TMEM87A: variants seen among roughly 807,000 people sequenced by gnomAD.
TMEM87A encodes the protein transmembrane protein 87A.
Under a neutral mutation model 90.0 loss-of-function variants are expected in TMEM87A, and 50 were observed. That is an observed-to-expected ratio of 0.56 (90% CI 0.44 to 0.70). The LOEUF (loss-of-function observed/expected upper bound fraction) is 0.70. TMEM87A is among the 30% of genes least tolerant of loss of function. TMEM87A has a pLI of 0.00. For synonymous variants in TMEM87A, 226 were observed against 226.7 expected, an observed-to-expected ratio of 1.00 and a Z score of 0.03; for missense variants, 577 against 660.5, an observed-to-expected ratio of 0.87 and a Z score of 1.39.
intron 9 of TMEM87A, 30 bp downstream of exon 9, chr15:42,237,402 C>T (rs757064870): frequency 5.6e-6 from 9 of 1,608,372 alleles, no homozygotes; most frequent in East Asian, 2.2e-5. Flanking sequence ...TCCAACCACT[C>T]GAACTGGCAA....
In TMEM87A at chr15:42,222,104, A is replaced by T. The variant is rs567213249; in HGVS notation, c.1404-1969T>A. Among the ~76,000 whole-genome samples the T allele has an allele frequency of 2.0e-5, 3 of 152,212 alleles. No homozygotes were observed. The East Asian group carries it at 5.8e-4, about 30-fold the overall frequency. ...TGAGAAAGAGTTTCACTCGTTGTCC[A>T]GACTGGAGTGCAATGGCGCGATCTC... On this transcript the variant is annotated intron_variant, in intron 15 of 19. Transcript: ENST00000389834.
At chr15:42,248,321 T>G (rs2051016687) in intron 6 of TMEM87A, among the ~76,000 whole-genome samples, 1 of 152,202 alleles carries the variant, frequency 6.6e-6, no homozygotes, top group Non-Finnish European at 1.5e-5. Flanking sequence ...AACACTATGT[T>G]GAATAGGAGT....
At chr15:42,272,745 C>T in intron 1 of TMEM87A, 4 of 340,542 alleles carry the variant, frequency 1.2e-5, no homozygotes, top group Non-Finnish European at 2.3e-5. Flanking sequence ...TCTTAAATCT[C>T]TATGCTTTCT....
intron 19 of TMEM87A, among the ~76,000 whole-genome samples, chr15:42,216,297 G>A (rs1367786789): frequency 6.6e-6 from 1 of 152,164 alleles, no homozygotes; most frequent in Non-Finnish European, 1.5e-5. Context: ...ATGTTCTAGA[G>A]ATCTGCTGTA....
chr15:42,258,754 T>A, intron 6 of TMEM87A: 1 of 1,415,208 alleles, frequency 7.1e-7, no homozygotes, highest in South Asian at 1.6e-5. Context: ...TTTAAAAAAA[T>A]TAACAAAGAC....
At chr15:42,264,875 G>A (rs1400360521) in intron 3 of TMEM87A, among the ~76,000 whole-genome samples, 3 of 151,464 alleles carry the variant, frequency 2.0e-5, no homozygotes, top group Non-Finnish European at 2.9e-5. Flanking sequence ...CCTCAAGTAG[G>A]CCCAGTGTCT....
At position 42,237,604 on chromosome 15, in the gene TMEM87A, C is replaced by T. The variant is rs1252332712; in HGVS notation, c.696G>A (p.Val232=). ...CAAACAGGACATATACAATACACAT[C>T]ACCATGAAAAACTGTTATCAAATTG... is the stretch of plus-strand genomic sequence containing the variant. The part of the protein sequence containing the change: ...EDYPLMIFFM[V]MCIVYVLFGV... The change falls in exon 9 of 20, where the codon GTG becomes GTA. Residue 232 remains valine, a synonymous_variant. Transcript: ENST00000389834. 1.3e-6 allele frequency: 2 copies of T among 1,585,424 alleles called. No individual in the cohort carries two copies. Among genetic ancestry groups the T allele is most frequent in the Admixed American group, 1.8e-5 (1 of 56,998 alleles).
chr15:42,261,396 C>T, intron 4 of TMEM87A, 147 bp from the exon 5 acceptor site: 1 of 600,078 alleles, frequency 1.7e-6, no homozygotes, highest in Non-Finnish European at 2.7e-6. Flanking sequence ...AAAACATTTC[C>T]AATTAACCAC....
chr15:42,217,998 G>A, intron 18 of TMEM87A, 165 bp from the exon 19 acceptor site: 3 of 679,328 alleles, frequency 4.4e-6, no homozygotes, highest in Non-Finnish European at 7.3e-6. Flanking sequence ...ATAAGCAACA[G>A]TTACAGAAAT....
intron 3 of TMEM87A, among the ~76,000 whole-genome samples, chr15:42,267,054 G>C (rs892447443): frequency 2.0e-5 from 3 of 152,138 alleles, no homozygotes; most frequent in African/African-American, 7.2e-5. Context: ...GCAAAAACTG[G>C]AATTTTGAAG....
chr15:42,231,180 T>TGA lies in TMEM87A; in HGVS notation c.1131+10_1131+11dup, dbSNP rs773619432. On this transcript the variant is annotated intron_variant, in intron 12 of 19. Transcript: ENST00000389834. Reference sequence around the variant, plus strand: ...AATGGACCATCATCAAACAAGCCAATGAGAAGGATATCCACCAGCACAAGG... The same window carrying TGA: ...AATGGACCATCATCAAACAAGCCAATGAGAGAAGGATATCCACCAGCACAAGG... The TGA allele has an allele frequency of 6.3e-7, 1 of 1,592,402 alleles. No individual in the cohort carries two copies.
intron 6 of TMEM87A, among the ~76,000 whole-genome samples, chr15:42,252,873 G>A (rs2051111349): frequency 6.6e-6 from 1 of 152,076 alleles, no homozygotes; most frequent in Non-Finnish European, 1.5e-5. Context: ...ATTTTCCACT[G>A]AAAACTGAAT....
intron 13 of TMEM87A, among the ~76,000 whole-genome samples, chr15:42,228,177 C>T (rs949909030): frequency 9.2e-5 from 14 of 152,132 alleles, no homozygotes; most frequent in African/African-American, 2.7e-4. Context: ...GCTGATAAAA[C>T]GACTGTAACA....
At chr15:42,259,008 G>T in intron 6 of TMEM87A, 1 of 778,824 alleles carries the variant, frequency 1.3e-6, no homozygotes, top group Non-Finnish European at 2.3e-6. Context: ...AGAAAAGCAA[G>T]CTTGAGATGT....
At chr15:42,214,445 A>G (rs1344068891) in intron 19 of TMEM87A, among the ~76,000 whole-genome samples, 3 of 152,208 alleles carry the variant, frequency 2.0e-5, no homozygotes, top group African/African-American at 7.2e-5. Context: ...AACAATGGAA[A>G]ACAGAATTTA....
intron 7 of TMEM87A, among the ~76,000 whole-genome samples, chr15:42,239,946 G>A (rs1375004939): frequency 6.6e-6 from 1 of 152,118 alleles, no homozygotes; most frequent in African/African-American, 2.4e-5. Flanking sequence ...AGGTTTCCAT[G>A]CCTCCACCAT....
intron 11 of TMEM87A, among the ~76,000 whole-genome samples, chr15:42,232,575 A>G (rs745666951): frequency 8.6e-5 from 13 of 151,270 alleles, no homozygotes; most frequent in Non-Finnish European, 1.5e-4. Flanking sequence ...CCGAGTTCAC[A>G]CCATTCTCCT....
intron 6 of TMEM87A, among the ~76,000 whole-genome samples, chr15:42,251,755 C>T (rs181946593): frequency 2.0e-4 from 30 of 152,334 alleles, no homozygotes; most frequent in African/African-American, 7.0e-4. Context: ...AAACACTGTG[C>T]TGGGAGAACG....
chr15:42,262,330 C>T (rs1164500858), intron 4 of TMEM87A: 2 of 152,118 alleles, frequency 1.3e-5, no homozygotes, highest in Admixed American at 1.3e-4. Flanking sequence ...ATTCTTTCAC[C>T]ATCTTAAAGC....
Sources: gnomAD v4.1 joint callset for allele counts (sites outside exome capture counted in the v4.1 genomes callset) on GRCh38, gnomAD v4.1.1 for gene constraint, MANE v1.5 for transcripts, NCBI Gene and HGNC (gene_info 2026-07-23, HGNC 2026-07-21) for gene names.